The following MRPS6 variants were observed in gnomAD, a reference collection of about 807,000 sequenced individuals.
MRPS6 encodes small ribosomal subunit protein bS6m.
Under a neutral mutation model 13.1 loss-of-function variants are expected in MRPS6, and 6 were observed. That is an observed-to-expected ratio of 0.46 (90% CI 0.25 to 0.91). The LOEUF is 0.91. MRPS6 is among the 40% of genes least tolerant of loss of function. The pLI is 0.18. For synonymous variants in MRPS6, 61 were observed against 56.5 expected (o/e 1.08, Z -0.36); for missense variants, 164 against 155.6 (o/e 1.05, Z -0.29).
intron 1 of MRPS6, chr21:34,100,593 G>T (rs1459094394): frequency 2.0e-6 from 2 of 1,000,098 alleles, no homozygotes; most frequent in Non-Finnish European, 2.4e-6. Flanking sequence ...TGTAGCCATA[G>T]CTCTTAGGGA....
chr21:34,097,766 C>T, intron 1 of MRPS6: 1 of 1,001,590 alleles, frequency 1.0e-6, no homozygotes, highest in Non-Finnish European at 1.2e-6. Flanking sequence ...CTCTGTAATC[C>T]CTCCTACCAT....
intron 1 of MRPS6, chr21:34,105,358 T>C (rs747033483): frequency 2.9e-4 from 292 of 999,614 alleles, no homozygotes; most frequent in Non-Finnish European, 3.4e-4. Context: ...GTGCAAAAGT[T>C]AGTAGTCTTC....
chr21:34,073,618 GGTCCCCACT>G lies in MRPS6; in HGVS notation c.-76_-68del. The G allele has an allele frequency of 8.0e-7, 1 of 1,250,518 alleles. No individual in the cohort carries two copies. The highest frequency in any genetic ancestry group is 1.1e-6 in the Non-Finnish European group (1 of 900,768). 77.5% of individuals were successfully genotyped at this position (1,250,518 alleles called of 1,614,324 possible). ...GAGCCGTCCGGCGCAGCAGTTTCTAGGTCCCCACTGTCCCCGCCGTCCCGCCCCTTCGCG... is the reference window on the plus strand; with the variant it reads ...GAGCCGTCCGGCGCAGCAGTTTCTAGGTCCCCGCCGTCCCGCCCCTTCGCG... On this transcript the variant is annotated 5_prime_UTR_variant, in exon 1 of 3. Coordinates refer to ENST00000399312, the MANE Select transcript of MRPS6 (RefSeq NM_032476.4).
chr21:34,106,138 G>T, intron 1 of MRPS6: 1 of 995,228 alleles, frequency 1.0e-6, no homozygotes, highest in South Asian at 4.7e-5. Context: ...AACTTAAGAT[G>T]AACTACATTT....
intron 1 of MRPS6, 56 bp from the exon 2 acceptor site, chr21:34,125,285 C>G: frequency 6.3e-7 from 1 of 1,593,280 alleles, no homozygotes; most frequent in Middle Eastern, 1.7e-4. Flanking sequence ...CATTCTAGCT[C>G]TTATATTAAT....
At chr21:34,137,097 A>T (rs1395616594) in intron 2 of MRPS6, among the ~76,000 whole-genome samples, 2 of 152,198 alleles carry the variant, frequency 1.3e-5, no homozygotes, top group African/African-American at 4.8e-5. Flanking sequence ...TCTTGAAATC[A>T]GGTGGTGTTA....
chr21:34,112,070 C>T (rs1196800738), intron 1 of MRPS6, among the ~76,000 whole-genome samples: 1 of 152,144 alleles, frequency 6.6e-6, no homozygotes. Context: ...CATTATGCAT[C>T]TCTGTCTTTC....
At chr21:34,093,854 A>G (rs1978835193) in intron 1 of MRPS6, among the ~76,000 whole-genome samples, 1 of 152,160 alleles carries the variant, frequency 6.6e-6, no homozygotes. Flanking sequence ...AAAATTCCTG[A>G]TGGTCCTACT....
At chr21:34,101,642 T>C (rs2850042) in intron 1 of MRPS6, 1 of 1,000,246 alleles carries the variant, frequency 1.0e-6, no homozygotes, top group African/African-American at 1.7e-5. Context: ...TTGATTTTTT[T>C]GTCAGCTTAG....
intron 1 of MRPS6, chr21:34,098,915 A>G: frequency 1.0e-6 from 1 of 994,224 alleles, no homozygotes; most frequent in African/African-American, 1.7e-5. Context: ...TACTTTTTAG[A>G]TTGCATGATT....
intron 1 of MRPS6, chr21:34,122,492 C>T (rs548132096): frequency 2.0e-5 from 3 of 152,128 alleles, no homozygotes; most frequent in East Asian, 3.9e-4. Context: ...TCCTAAGTTA[C>T]ATTCTTGTTA....
chr21:34,126,098 T>A (rs542363073), intron 2 of MRPS6, among the ~76,000 whole-genome samples: 1 of 152,122 alleles, frequency 6.6e-6, no homozygotes, highest in South Asian at 2.1e-4. Flanking sequence ...TTCCTAGGAG[T>A]GGGTGTTAGA....
chr21:34,119,384 G>A (rs1021561609), intron 1 of MRPS6, among the ~76,000 whole-genome samples: 3 of 152,162 alleles, frequency 2.0e-5, no homozygotes, highest in African/African-American at 2.4e-5. Context: ...AGAATTCACA[G>A]GGACAGCCTT....
chr21:34,095,599 A>G (rs1027342132), intron 1 of MRPS6: 5 of 1,611,512 alleles, frequency 3.1e-6, no homozygotes, highest in South Asian at 1.1e-5. Context: ...CTGATTCTCT[A>G]TATTTTCACC....
At chr21:34,097,866 A>G in intron 1 of MRPS6, 2 of 996,850 alleles carry the variant, frequency 2.0e-6, no homozygotes, top group Non-Finnish European at 2.4e-6. Flanking sequence ...GGACAAGTTC[A>G]TTTGCCAGGT....
At chr21:34,099,214 T>C (rs1273118606) in intron 1 of MRPS6, 2 of 1,000,208 alleles carry the variant, frequency 2.0e-6, no homozygotes, top group East Asian at 2.3e-4. Context: ...ATTTTATTCT[T>C]GAGGTTTATA....
intron 1 of MRPS6, chr21:34,104,406 G>T: frequency 1.0e-6 from 1 of 1,000,166 alleles, no homozygotes; most frequent in Non-Finnish European, 1.2e-6. Context: ...TATCAAGAAT[G>T]AATGAATGTC....
At chr21:34,107,054 C>T (rs1979510699) in intron 1 of MRPS6, among the ~76,000 whole-genome samples, 1 of 152,162 alleles carries the variant, frequency 6.6e-6, no homozygotes, top group African/African-American at 2.4e-5. Flanking sequence ...GCCTCAACCT[C>T]TTGGGTAACT....
rs1979005241 is a variant in MRPS6 at position 34,097,207 on chromosome 21, G to A, written c.45+23462G>A. ...TGTGGCTTTAAAAGTAAGAGCCTCAGCAAGAGGAGTCTCAGAGACCTGATG... is the reference window on the plus strand; with the variant it reads ...TGTGGCTTTAAAAGTAAGAGCCTCAACAAGAGGAGTCTCAGAGACCTGATG... On this transcript the variant is annotated intron_variant, in intron 1 of 2. Transcript: ENST00000399312. The A allele has an allele frequency of 1.9e-6, 3 of 1,613,996 alleles. No individual in the cohort carries two copies. In the South Asian group the frequency reaches 3.3e-5, roughly 18 times the overall value.
Sources: allele counts gnomAD v4.1 joint callset (sites outside exome capture counted in the v4.1 genomes callset), GRCh38; gene constraint gnomAD v4.1.1; transcripts MANE v1.5; gene names NCBI Gene and HGNC (gene_info 2026-07-23, HGNC 2026-07-21).